SMARCA2: variants seen among roughly 807,000 people sequenced by gnomAD.
The protein encoded by SMARCA2 is SWI/SNF related BAF chromatin remodeling complex subunit ATPase 2, also known as SWI/SNF-related matrix-associated actin-dependent regulator of chromatin subfamily A member 2.
A neutral mutation model predicts 199.8 loss-of-function variants in SMARCA2; 61 were observed. The observed-to-expected ratio is 0.31, with a 90% CI of 0.25 to 0.38. The LOEUF is 0.38. Ranked by LOEUF, SMARCA2 falls within the 10% of genes least tolerant of loss-of-function variation. SMARCA2 has a pLI of 1.00. For synonymous variants in SMARCA2, 935 were observed against 732.0 expected, an observed-to-expected ratio of 1.28 and a Z score of -4.48; for missense variants, 1,344 against 2,012.2, an observed-to-expected ratio of 0.67 and a Z score of 6.35.
At chr9:2,147,918 C>G (rs113640238) in intron 27 of SMARCA2, among the ~76,000 whole-genome samples, 8,186 of 151,480 alleles carry the variant, frequency 0.054, 529 homozygotes, top group Non-Finnish European at 0.087. Context: ...CAGCCTCCCT[C>G]AAACTCCTGG....
chr9:2,098,698 G>C (rs1477631625), intron 21 of SMARCA2, among the ~76,000 whole-genome samples: 1 of 152,312 alleles, frequency 6.6e-6, no homozygotes, highest in African/African-American at 2.4e-5. Context: ...TAATTTGGGA[G>C]GCCGAGGCAG....
At chr9:2,178,310 C>T (rs1282452541) in intron 29 of SMARCA2, among the ~76,000 whole-genome samples, 1 of 152,194 alleles carries the variant, frequency 6.6e-6, no homozygotes, top group Non-Finnish European at 1.5e-5. Context: ...CAGAGCCATA[C>T]TTTCTAGCCT....
chr9:2,158,334 T>A (rs1304958634), intron 27 of SMARCA2: 3 of 154,402 alleles, frequency 1.9e-5, no homozygotes, highest in African/African-American at 4.8e-5. Flanking sequence ...GGGTGCAGTG[T>A]GCCTTTAAGA....
At chr9:2,182,004 G>A in intron 30 of SMARCA2, 137 bp from the exon 31 acceptor site, 3 of 722,702 alleles carry the variant, frequency 4.2e-6, no homozygotes, top group South Asian at 1.5e-5. Context: ...CGCCCCCTGG[G>A]GTTATGCAGT....
intron 5 of SMARCA2, among the ~76,000 whole-genome samples, chr9:2,048,999 A>G (rs1389671726): frequency 6.6e-6 from 1 of 152,202 alleles, no homozygotes; most frequent in Non-Finnish European, 1.5e-5. Flanking sequence ...TAAAATTCTG[A>G]CTTCCTAAGA....
At chr9:2,076,453 G>T (rs1016722358) in intron 13 of SMARCA2, 124 bp downstream of exon 13, 7 of 644,570 alleles carry the variant, frequency 1.1e-5, no homozygotes, top group Non-Finnish European at 1.7e-5. Context: ...TTGAAACTGT[G>T]CTCCTAGAGG....
At chr9:2,088,711 C>T (rs1428960651) in intron 19 of SMARCA2, 98 bp downstream of exon 19, 28 of 820,140 alleles carry the variant, frequency 3.4e-5, no homozygotes, top group Middle Eastern at 4.6e-4. Flanking sequence ...ACAGCAGACT[C>T]ATATTGTAGT....
intron 19 of SMARCA2, among the ~76,000 whole-genome samples, chr9:2,090,085 G>T (rs916393485): frequency 6.6e-6 from 1 of 152,084 alleles, no homozygotes; most frequent in African/African-American, 2.4e-5. Context: ...GAGAAAAATT[G>T]AAATTTTTGC....
rs779056668 is a variant in SMARCA2, at chr9:2,192,971, GAAAC to G, written c.*240_*243del. Reference sequence around the variant, plus strand: ...CAAATGGGCCTCAAAGATTCAGATTGAAACAAACAAAAAGCTTTTGATGGAAAAT... The same window carrying G: ...CAAATGGGCCTCAAAGATTCAGATTGAAACAAAAAGCTTTTGATGGAAAAT... On this transcript the variant is annotated 3_prime_UTR_variant, in exon 34 of 34. Transcript: ENST00000349721. 1.2e-5 allele frequency: 6 copies of G among 489,158 alleles called. No homozygotes were observed. Among genetic ancestry groups the G allele is most frequent in the Admixed American group, 7.7e-5 (2 of 26,038 alleles). 30.3% of individuals were successfully genotyped at this position (489,158 alleles called of 1,614,324 possible).
At chr9:2,065,648 C>G (rs1329761863) in intron 9 of SMARCA2, among the ~76,000 whole-genome samples, 1 of 152,160 alleles carries the variant, frequency 6.6e-6, no homozygotes, top group African/African-American at 2.4e-5. Flanking sequence ...AAAAGCAAAG[C>G]AGTAATATTG....
At chr9:2,096,159 T>C (rs1486752498) in intron 19 of SMARCA2, among the ~76,000 whole-genome samples, 3 of 152,196 alleles carry the variant, frequency 2.0e-5, no homozygotes, top group Non-Finnish European at 4.4e-5. Flanking sequence ...GTAGTCACCC[T>C]AGGGATGTTA....
rs1176734058 is a variant in SMARCA2 at position 2,056,869 on chromosome 9, C to T, written c.1347+24C>T. ...AGGTTCTTAGACCCTGGGCTTTGCT[C>T]ACCCTCACTTTGGCAGAGCTGTCCA... On this transcript the variant is annotated intron_variant, in intron 7 of 33. Coordinates refer to ENST00000349721, the MANE Select transcript of SMARCA2 (RefSeq NM_003070.5). The surrounding 1 kb of genome is among the most constrained non-coding windows in gnomAD (Gnocchi z 4.0). 1 of 1,605,014 alleles carries T rather than the reference C, an allele frequency of 6.2e-7. No homozygotes were observed. The highest frequency in any genetic ancestry group is 2.2e-5 in the East Asian group (1 of 44,682).
intron 4 of SMARCA2, chr9:2,046,153 T>C (rs1470645805): frequency 6.6e-6 from 1 of 152,206 alleles, no homozygotes; most frequent in Non-Finnish European, 1.5e-5. Context: ...GACTTTAACA[T>C]CTGCTTACTG....
In SMARCA2 at chr9:2,056,726, C is replaced by G; in HGVS notation, c.1228C>G (p.Leu410Val). 6.2e-7 allele frequency: 1 copy of G among 1,614,202 alleles called. No homozygotes were observed. Among genetic ancestry groups the G allele is most frequent in the Non-Finnish European group, 8.5e-7 (1 of 1,180,040 alleles). The change falls in exon 7 of 34, where the codon CTC becomes GTC. Residue 410 changes from leucine to valine, a missense_variant. Transcript: ENST00000349721. The surrounding 1 kb of genome is among the most constrained non-coding windows in gnomAD (Gnocchi z 4.0). ...CAGGGACACGACCCTGGAGACGGCT[C>G]TCAACTCCAAAGCATACAAACGGAG... ...MRRDTTLETA[L>V]NSKAYKRSKR...
At chr9:2,040,231 A>T (rs1819547373) in intron 4 of SMARCA2, 2 of 514,204 alleles carry the variant, frequency 3.9e-6, no homozygotes, top group Non-Finnish European at 3.4e-6. Flanking sequence ...CTCTGGACTT[A>T]GTGCATTTCA....
intron 5 of SMARCA2, among the ~76,000 whole-genome samples, chr9:2,051,626 C>A (rs141955701): frequency 2.8e-4 from 42 of 152,310 alleles, no homozygotes; most frequent in African/African-American, 9.9e-4. Flanking sequence ...ATCTGACCCA[C>A]TTTGTCAAAG....
At chr9:2,089,455 C>T (rs1206565378) in intron 19 of SMARCA2, among the ~76,000 whole-genome samples, 1 of 151,990 alleles carries the variant, frequency 6.6e-6, no homozygotes, top group Non-Finnish European at 1.5e-5. Flanking sequence ...TGTGGTTTTT[C>T]TGGGTAACGA....
Position 2,134,291 on chromosome 9 carries a change from GT to G in SMARCA2, c.3981+10357del, listed in dbSNP as rs1451184089. Among the ~76,000 whole-genome samples the G allele has an allele frequency of 2.6e-5, 4 of 152,246 alleles. No individual in the cohort carries two copies. In the East Asian group the frequency reaches 7.7e-4, roughly 29 times the overall value. On this transcript the variant is annotated intron_variant, in intron 27 of 33. Coordinates refer to ENST00000349721, the MANE Select transcript of SMARCA2 (RefSeq NM_003070.5). Reference sequence around the variant, plus strand: ...TGCTGAATATGTTACAGGACCACAGGTTTATTCATCTCAAGCACTCCAGCTT... The same window carrying G: ...TGCTGAATATGTTACAGGACCACAGGTTATTCATCTCAAGCACTCCAGCTT...
rs62639302 is a variant in SMARCA2 at position 2,039,860 on chromosome 9, A to T, written c.750A>T (p.Gln250His). 108 of 1,613,598 alleles carry T rather than the reference A, an allele frequency of 6.7e-5. No homozygotes were observed. Among genetic ancestry groups the T allele is most frequent in the Middle Eastern group, 6.6e-4 (4 of 6,082 alleles). ...AGCCGCCGCAACCACAGACGCAGCA[A>T]CAACAGCAGCCGGCCCTTGTTAACT... is the stretch of plus-strand genomic sequence containing the variant. ...QQQPPQPQTQ[Q>H]QQQPALVNYN... Residue 250 changes from glutamine to histidine, a missense_variant, in exon 4 of 34, where the codon CAA becomes CAT. Around this residue, in one of 18 missense-constraint regions of SMARCA2, gnomAD observed 117 missense variants for 99.1 expected, o/e 1.18. Transcript: ENST00000349721. This position sits in a 1 kb window ranked among gnomAD's most constrained non-coding sequence, Gnocchi z 4.8.
Sources: allele counts gnomAD v4.1 joint callset (sites outside exome capture counted in the v4.1 genomes callset), GRCh38; gene constraint gnomAD v4.1.1; regional missense constraint gnomAD v4.1.1; non-coding constraint Gnocchi (gnomAD v3.1); transcripts MANE v1.5; gene names NCBI Gene and HGNC (gene_info 2026-07-23, HGNC 2026-07-21).